The following SCTR variants were observed in gnomAD, a reference collection of about 807,000 sequenced individuals.
SCTR encodes the protein secretin receptor.
In SCTR, 56 loss-of-function variants were observed where a neutral mutation model predicts 60.8. The observed-to-expected ratio is 0.92, with a 90% CI of 0.74 to 1.15. The LOEUF (loss-of-function observed/expected upper bound fraction) is 1.15. Ranked by LOEUF, SCTR falls within the 50% of genes most tolerant of loss-of-function variation. SCTR has a pLI of 0.00. For synonymous variants in SCTR, 202 were observed against 217.0 expected, an observed-to-expected ratio of 0.93 and a Z score of 0.61; for missense variants, 562 against 550.4, an observed-to-expected ratio of 1.02 and a Z score of -0.21.
chr2:119,524,249 G>A lies in SCTR; in HGVS notation c.-23C>T, dbSNP rs922736703. 1 of 1,414,404 alleles carries A rather than the reference G, an allele frequency of 7.1e-7. No individual in the cohort carries two copies. Among genetic ancestry groups the A allele is most frequent in the African/African-American group, 1.5e-5 (1 of 66,792 alleles). 87.6% of individuals were successfully genotyped at this position (1,414,404 alleles called of 1,614,324 possible). On this transcript the variant is annotated 5_prime_UTR_variant, in exon 1 of 13. Transcript: ENST00000019103. ...CATGGTGCCCGCACGTTCCCCGAGG[G>A]CGCCCCGACGTCCGCCTGCCCGTGC...
intron 1 of SCTR, among the ~76,000 whole-genome samples, chr2:119,501,716 C>T (rs556300007): frequency 1.1e-4 from 16 of 152,118 alleles, no homozygotes; most frequent in East Asian, 9.6e-4. Context: ...ATACCTGCAT[C>T]GAAATATCAC....
At chr2:119,514,474 A>T (rs1206844722) in intron 1 of SCTR, among the ~76,000 whole-genome samples, 2 of 152,208 alleles carry the variant, frequency 1.3e-5, no homozygotes, top group Non-Finnish European at 2.9e-5. Flanking sequence ...GACACAAATA[A>T]GAGAGAAAAT....
intron 1 of SCTR, among the ~76,000 whole-genome samples, 166 bp downstream of exon 1, chr2:119,523,989 G>T (rs958727767): frequency 6.6e-6 from 1 of 152,186 alleles, no homozygotes; most frequent in Admixed American, 6.5e-5. Flanking sequence ...TCCCTCCGGA[G>T]AAGAGCTGGG....
At chr2:119,450,099 A>AAATC (rs1321891558) in intron 9 of SCTR, among the ~76,000 whole-genome samples, 1 of 150,512 alleles carries the variant, frequency 6.6e-6, no homozygotes, top group African/African-American at 2.5e-5. Flanking sequence ...ATAAATAAAT[A>AAATC]AATAAATGGA....
At chr2:119,478,690 C>G (rs1289999621) in intron 3 of SCTR, 121 bp downstream of exon 3, 1 of 793,272 alleles carries the variant, frequency 1.3e-6, no homozygotes, top group Non-Finnish European at 2.0e-6. Flanking sequence ...TGATCTCCCC[C>G]ATCATTGTAC....
chr2:119,447,538 C>A (rs531196569), intron 10 of SCTR, among the ~76,000 whole-genome samples: 1 of 152,276 alleles, frequency 6.6e-6, no homozygotes, highest in East Asian at 1.9e-4. Context: ...TGGAGAAGGT[C>A]TCTGGGGGAC....
intron 1 of SCTR, among the ~76,000 whole-genome samples, chr2:119,514,955 C>T (rs938117109): frequency 6.6e-6 from 1 of 152,128 alleles, no homozygotes. Flanking sequence ...ACTTGCCTAA[C>T]AACCAGAGAC....
intron 3 of SCTR, among the ~76,000 whole-genome samples, chr2:119,474,544 C>G (rs1407231156): frequency 6.6e-6 from 1 of 152,228 alleles, no homozygotes; most frequent in Admixed American, 6.5e-5. Context: ...GGGCAGGATG[C>G]TGATGGCCGA....
chr2:119,500,660 T>C (rs758346312), intron 1 of SCTR, among the ~76,000 whole-genome samples: 3 of 152,088 alleles, frequency 2.0e-5, no homozygotes, highest in Non-Finnish European at 4.4e-5. Context: ...CACTCATACA[T>C]GGGAACTAAA....
chr2:119,444,277 A>G (rs11689378), intron 11 of SCTR, among the ~76,000 whole-genome samples: 3,721 of 75,732 alleles, frequency 0.049, 167 homozygotes, highest in South Asian at 0.081. Flanking sequence ...ACATATATAC[A>G]TATGAATATA....
intron 1 of SCTR, among the ~76,000 whole-genome samples, chr2:119,510,718 T>A (rs924799323): frequency 3.4e-5 from 5 of 146,080 alleles, no homozygotes; most frequent in African/African-American, 5.6e-5. Context: ...TCATTTTTTT[T>A]AAATCCCTTT....
At chr2:119,468,826 G>GA (rs972893789) in intron 4 of SCTR, among the ~76,000 whole-genome samples, 1 of 152,148 alleles carries the variant, frequency 6.6e-6, no homozygotes, top group Admixed American at 6.5e-5. Context: ...TAGAGTACAT[G>GA]AAAAAACTGG....
chr2:119,484,125 G>C (rs1677756686), intron 2 of SCTR, among the ~76,000 whole-genome samples: 1 of 152,132 alleles, frequency 6.6e-6, no homozygotes, highest in Non-Finnish European at 1.5e-5. Flanking sequence ...TTGGGGGTAA[G>C]CGGCATTCAT....
intron 1 of SCTR, among the ~76,000 whole-genome samples, chr2:119,503,725 T>C (rs769332928): frequency 6.6e-6 from 1 of 152,184 alleles, no homozygotes; most frequent in Non-Finnish European, 1.5e-5. Flanking sequence ...TAATAGCGGA[T>C]ACATGTCATT....
intron 6 of SCTR, 24 bp downstream of exon 6, chr2:119,464,099 T>G: frequency 6.2e-7 from 1 of 1,613,580 alleles, no homozygotes; most frequent in Non-Finnish European, 8.5e-7. Flanking sequence ...CCTGGCGACA[T>G]CCTGGGGCAC....
Position 119,524,460 on chromosome 2 carries a change from C to G in SCTR, c.-234G>C, listed in dbSNP as rs1264941314. ...TGATCAGGACGCGGCTTTGCCGGCGCGCCTCCTCCACCCGGCAGGGACTGG... is the reference window on the plus strand; with the variant it reads ...TGATCAGGACGCGGCTTTGCCGGCGGGCCTCCTCCACCCGGCAGGGACTGG... On this transcript the variant is annotated 5_prime_UTR_variant, in exon 1 of 13. Transcript: ENST00000019103. 2.8e-5 allele frequency: 10 copies of G among 355,006 alleles called. No homozygotes were observed. Among genetic ancestry groups the G allele is most frequent in the Admixed American group, 2.4e-4 (5 of 21,124 alleles). The allele number at this position is 355,006 out of a possible 1,614,324, so 22.0% of individuals were successfully genotyped here.
intron 9 of SCTR, among the ~76,000 whole-genome samples, chr2:119,449,650 C>T (rs1683069197): frequency 6.6e-6 from 1 of 152,152 alleles, no homozygotes; most frequent in East Asian, 1.9e-4. Flanking sequence ...CACACACCTG[C>T]TCCAGCCATT....
chr2:119,517,386 C>T (rs1197670672), intron 1 of SCTR, among the ~76,000 whole-genome samples: 3 of 152,164 alleles, frequency 2.0e-5, no homozygotes, highest in Non-Finnish European at 4.4e-5. Context: ...TCTTGAACTC[C>T]CAGGCTCAAG....
chr2:119,512,714 A>T (rs1231727415), intron 1 of SCTR, among the ~76,000 whole-genome samples: 1 of 152,194 alleles, frequency 6.6e-6, no homozygotes, highest in Non-Finnish European at 1.5e-5. Flanking sequence ...TTTTCTTTAT[A>T]AAAGATTTCC....
Sources: allele counts gnomAD v4.1 joint callset (sites outside exome capture counted in the v4.1 genomes callset), GRCh38; gene constraint gnomAD v4.1.1; transcripts MANE v1.5; gene names NCBI Gene and HGNC (gene_info 2026-07-23, HGNC 2026-07-21).